Variants in SKIC8 observed in about 807,000 individuals in gnomAD.
SKIC8 encodes superkiller complex protein 8.
the SKIC8 span, chr15:78,295,899 C>T: frequency 2.9e-4 from 137 of 477,362 alleles, no homozygotes; most frequent in African/African-American, 2.5e-3. Flanking sequence ...GTGGTATGGT[C>T]TTCTTTCTTC....
the SKIC8 span, chr15:78,292,871 T>C: frequency 6.8e-7 from 1 of 1,472,306 alleles, no homozygotes; most frequent in Non-Finnish European, 9.3e-7. Context: ...CCTGTGACTA[T>C]GCAATACCAA....
At chr15:78,294,079 G>C in the SKIC8 span, among the ~76,000 whole-genome samples, 1 of 152,200 alleles carries the variant, frequency 6.6e-6, no homozygotes, top group Middle Eastern at 3.2e-3. Flanking sequence ...GTGCACCACA[G>C]ACAGCGTTGT....
chr15:78,290,209 C>G, the SKIC8 span: 2 of 1,138,820 alleles, frequency 1.8e-6, no homozygotes, highest in Non-Finnish European at 2.4e-6. Flanking sequence ...GTAGCAGTGT[C>G]CTGATTCAGA....
the SKIC8 span, chr15:78,283,479 A>G: frequency 6.2e-7 from 1 of 1,613,936 alleles, no homozygotes; most frequent in Non-Finnish European, 8.5e-7. Context: ...TCTCCAACAG[A>G]CACAATTTTT....
chr15:78,283,550 A>C, the SKIC8 span: 1 of 1,509,030 alleles, frequency 6.6e-7, no homozygotes, highest in South Asian at 1.1e-5. Flanking sequence ...ATAGTTCTAC[A>C]AATGCCTTTA....
chr15:78,283,667 G>A, the SKIC8 span: 1 of 585,652 alleles, frequency 1.7e-6, no homozygotes, highest in Non-Finnish European at 2.9e-6. Flanking sequence ...TGAGAATGGA[G>A]GCTTTAACCG....
At chr15:78,298,272 A>G in the SKIC8 span, among the ~76,000 whole-genome samples, 2,753 of 152,336 alleles carry the variant, frequency 0.018, 75 homozygotes, top group African/African-American at 0.062. Context: ...GCCAGCTTCC[A>G]AAAACCCGGG....
At chr15:78,288,816 G>A in the SKIC8 span, 4 of 375,410 alleles carry the variant, frequency 1.1e-5, no homozygotes, top group East Asian at 7.6e-5. Flanking sequence ...ACAACAGTAC[G>A]CATAATAAAG....
At chr15:78,292,719 G>A in the SKIC8 span, 3 of 1,614,176 alleles carry the variant, frequency 1.9e-6, no homozygotes, top group Non-Finnish European at 2.5e-6. Context: ...GGGTGTGGCT[G>A]ATGTCCACAG....
chr15:78,289,720 G>A, the SKIC8 span: 10 of 1,611,786 alleles, frequency 6.2e-6, no homozygotes, highest in Non-Finnish European at 8.5e-6. Context: ...ACTCTGTTCA[G>A]AGAACATATG....
the SKIC8 span, chr15:78,285,248 A>C: frequency 6.2e-7 from 1 of 1,613,384 alleles, no homozygotes; most frequent in Non-Finnish European, 8.5e-7. Context: ...AAGATGAAAT[A>C]ATAATGCCAT....
chr15:78,293,111 A>G, the SKIC8 span: 1 of 1,513,696 alleles, frequency 6.6e-7, no homozygotes. Flanking sequence ...AGAGTTCAGA[A>G]GCAAAACCTC....
the SKIC8 span, chr15:78,292,943 G>A: frequency 2.0e-6 from 2 of 1,002,220 alleles, no homozygotes; most frequent in African/African-American, 1.6e-5. Context: ...AATGCTGCCA[G>A]GTTTTAAATG....
the SKIC8 span, chr15:78,289,878 G>T: frequency 6.4e-7 from 1 of 1,571,782 alleles, no homozygotes. Context: ...CAGAATCTGT[G>T]GCAAGGACTG....
At chr15:78,287,368 C>A in the SKIC8 span, among the ~76,000 whole-genome samples, 6 of 152,148 alleles carry the variant, frequency 3.9e-5, no homozygotes, top group Admixed American at 1.3e-4. Flanking sequence ...TAGCTGATAA[C>A]CTTTTGCCAG....
the SKIC8 span, chr15:78,289,820 C>T: frequency 6.6e-7 from 1 of 1,520,358 alleles, no homozygotes; most frequent in South Asian, 1.2e-5. Flanking sequence ...TAACTGGCTA[C>T]TTGGCAAACC....
At chr15:78,286,094 G>A in the SKIC8 span, 1 of 1,613,820 alleles carries the variant, frequency 6.2e-7, no homozygotes, top group African/African-American at 1.3e-5. Flanking sequence ...GCACCCAGGA[G>A]GCATGGCCGC....
At chr15:78,289,888 G>T in the SKIC8 span, 2 of 1,585,146 alleles carry the variant, frequency 1.3e-6, no homozygotes, top group Non-Finnish European at 8.6e-7. Context: ...GGCAAGGACT[G>T]CAACAGGCTG....
At chr15:78,289,911 G>A in the SKIC8 span, 1 of 1,601,782 alleles carries the variant, frequency 6.2e-7, no homozygotes, top group Non-Finnish European at 8.5e-7. Flanking sequence ...AGGGTAAACT[G>A]AAAGAATCAG....
Sources: gnomAD v4.1 joint callset for allele counts (sites outside exome capture counted in the v4.1 genomes callset) on GRCh38, gnomAD v4.1.1 for gene constraint, MANE v1.5 for transcripts, NCBI Gene and HGNC (gene_info 2026-07-23, HGNC 2026-07-21) for gene names.